MECR: variants seen among roughly 807,000 people sequenced by gnomAD.
MECR encodes the protein mitochondrial trans-2-enoyl-CoA reductase.
In MECR, 37 loss-of-function variants were observed where a neutral mutation model predicts 49.1. That is an observed-to-expected ratio of 0.75 (90% CI 0.58 to 0.99). The LOEUF (loss-of-function observed/expected upper bound fraction) is 0.99, where lower values mean the gene tolerates loss of function less well. MECR is among the 50% of genes least tolerant of loss of function. MECR has a pLI of 0.00. For missense variants in MECR, 470 were observed against 479.6 expected, an observed-to-expected ratio of 0.98 and a Z score of 0.19; for synonymous variants, 198 against 191.1, an observed-to-expected ratio of 1.04 and a Z score of -0.30.
chr1:29,180,921 TCTC>T, the MECR span, among the ~76,000 whole-genome samples: 16 of 152,200 alleles, frequency 1.1e-4, no homozygotes, highest in Non-Finnish European at 1.8e-4. Context: ...TGGCCACTAT[TCTC>T]CTAACAAATT....
At chr1:29,206,474 A>T (rs1055473864) in intron 4 of MECR, among the ~76,000 whole-genome samples, 1 of 152,208 alleles carries the variant, frequency 6.6e-6, no homozygotes, top group Non-Finnish European at 1.5e-5. Flanking sequence ...CCCAGAGCTT[A>T]GCCCCAGCTC....
At chr1:29,220,088 T>C (rs1412547078) in intron 1 of MECR, among the ~76,000 whole-genome samples, 3 of 151,914 alleles carry the variant, frequency 2.0e-5, no homozygotes, top group Non-Finnish European at 4.4e-5. Flanking sequence ...AGTGAGAAAA[T>C]GTGGCATAAC....
At chr1:29,195,329 C>T (rs1355207416) in intron 9 of MECR, among the ~76,000 whole-genome samples, 1 of 152,200 alleles carries the variant, frequency 6.6e-6, no homozygotes, top group Non-Finnish European at 1.5e-5. Flanking sequence ...TTCATGCCAC[C>T]ACCTTCCTCC....
At chr1:29,198,626 T>C (rs556553385) in intron 7 of MECR, among the ~76,000 whole-genome samples, 1 of 152,254 alleles carries the variant, frequency 6.6e-6, no homozygotes, top group Admixed American at 6.5e-5. Context: ...TTTTTGTTTG[T>C]TTGTTTTTGA....
intron 1 of MECR, among the ~76,000 whole-genome samples, chr1:29,227,019 T>C (rs1293830351): frequency 7.0e-6 from 1 of 141,928 alleles, no homozygotes; most frequent in Non-Finnish European, 1.5e-5. Flanking sequence ...AGTGCAGTGG[T>C]GTGGTGCAAT....
At chr1:29,188,424 G>A (rs551276650), downstream of MECR, among the ~76,000 whole-genome samples, 4 of 151,930 alleles carry the variant, frequency 2.6e-5, no homozygotes, top group Non-Finnish European at 4.4e-5. Flanking sequence ...GGCTGGTCTC[G>A]AACTCCTGAC....
the MECR span, among the ~76,000 whole-genome samples, chr1:29,176,703 AC>A: frequency 6.6e-6 from 1 of 152,070 alleles, no homozygotes; most frequent in East Asian, 1.9e-4. Flanking sequence ...CACAACAACG[AC>A]CTGCCTCACT....
At chr1:29,181,088 A>G in the MECR span, among the ~76,000 whole-genome samples, 2 of 152,234 alleles carry the variant, frequency 1.3e-5, no homozygotes, top group Admixed American at 1.3e-4. Flanking sequence ...GATACTTTCG[A>G]AACTGTCACT....
the MECR span, chr1:29,181,873 C>T: frequency 1.4e-6 from 1 of 708,294 alleles, no homozygotes; most frequent in Non-Finnish European, 2.0e-6. Flanking sequence ...CGGACGCAGC[C>T]GAACCCCGGC....
chr1:29,213,096 CTG>C (rs1678435590), intron 3 of MECR, among the ~76,000 whole-genome samples: 1 of 152,192 alleles, frequency 6.6e-6, no homozygotes, highest in Non-Finnish European at 1.5e-5. Context: ...GGTGTCAATC[CTG>C]TGATTATGGC....
At chr1:29,172,157 T>C in the MECR span, 2 of 152,096 alleles carry the variant, frequency 1.3e-5, no homozygotes, top group African/African-American at 4.8e-5. Flanking sequence ...TAAAAAAAAA[T>C]TTGATCACAT....
chr1:29,189,739 C>T (rs139661770), downstream of MECR, among the ~76,000 whole-genome samples: 370 of 152,200 alleles, frequency 2.4e-3, 1 homozygote, highest in African/African-American at 8.5e-3. Flanking sequence ...TGCTTCCCTC[C>T]TCCAAACTGT....
chr1:29,179,880 T>C, the MECR span, among the ~76,000 whole-genome samples: 3 of 152,238 alleles, frequency 2.0e-5, no homozygotes, highest in Non-Finnish European at 2.9e-5. Context: ...GACATTTTGT[T>C]GATGGGTTAT....
intron 8 of MECR, 39 bp downstream of exon 8, chr1:29,196,159 G>T: frequency 6.2e-7 from 1 of 1,612,484 alleles, no homozygotes; most frequent in Non-Finnish European, 8.5e-7. Context: ...GAGGTGTCTG[G>T]CCCGGCTCCA....
At chr1:29,222,319 A>C (rs888891304) in intron 1 of MECR, among the ~76,000 whole-genome samples, 4 of 151,942 alleles carry the variant, frequency 2.6e-5, no homozygotes, top group Non-Finnish European at 4.4e-5. Flanking sequence ...GGCTGGTCTC[A>C]AACTCCTGAC....
intron 3 of MECR, among the ~76,000 whole-genome samples, chr1:29,213,449 T>C (rs1317000995): frequency 6.6e-6 from 1 of 152,144 alleles, no homozygotes; most frequent in Non-Finnish European, 1.5e-5. Context: ...AAGTGCTCCT[T>C]CCTAATCTCT....
downstream of MECR, among the ~76,000 whole-genome samples, chr1:29,190,301 G>C (rs1458999683): frequency 1.3e-4 from 20 of 152,150 alleles, no homozygotes; most frequent in Admixed American, 1.3e-3. Flanking sequence ...CGTGAACCCG[G>C]GAGGCGGAGC....
At chr1:29,209,024 G>C (rs1677293371) in intron 3 of MECR, among the ~76,000 whole-genome samples, 1 of 152,212 alleles carries the variant, frequency 6.6e-6, no homozygotes, top group Non-Finnish European at 1.5e-5. Context: ...GGATGATGCT[G>C]CACCGCAGGG....
chr1:29,188,611 C>T (rs937115970), downstream of MECR, among the ~76,000 whole-genome samples: 4 of 151,476 alleles, frequency 2.6e-5, no homozygotes, highest in African/African-American at 9.7e-5. Flanking sequence ...GCTTCAGGTG[C>T]GCTCAAGCTT....
Sources: gnomAD v4.1 joint callset for allele counts (sites outside exome capture counted in the v4.1 genomes callset) on GRCh38, gnomAD v4.1.1 for gene constraint, MANE v1.5 for transcripts, NCBI Gene and HGNC (gene_info 2026-07-23, HGNC 2026-07-21) for gene names.